ZNF565: variants seen among roughly 807,000 people sequenced by gnomAD.
ZNF565 encodes the protein zinc finger protein 565.
Under a neutral mutation model 39.4 loss-of-function variants are expected in ZNF565, and 27 were observed. The observed-to-expected ratio is 0.69, with a 90% confidence interval of 0.51 to 0.95. The LOEUF is 0.95. Among genes scored for constraint, ZNF565 ranks in the 40% least tolerant of loss-of-function variants. ZNF565 has a pLI of 0.00. For missense variants in ZNF565, 524 were observed against 621.1 expected (o/e 0.84, Z 1.66); for synonymous variants, 185 against 216.6 (o/e 0.85, Z 1.28).
intron 1 of ZNF565, among the ~76,000 whole-genome samples, chr19:36,224,982 T>A (rs1977008211): frequency 6.6e-6 from 1 of 152,228 alleles, no homozygotes; most frequent in Admixed American, 6.5e-5. Flanking sequence ...CTTTCCTTAG[T>A]TATTTGTAAT....
rs771970085 is a variant in ZNF565, at chr19:36,194,281, TC to T, written c.183del (p.Glu63SerfsTer4). ...KPDVVSLLEQ[G>X]KEPWMIANDV... ...TCATTTGCAATCATCCAGGGCTCTT[TC>T]CCTTGCTCCAATAAGGAGACGACAT... On this transcript the variant is annotated frameshift_variant, in exon 4 of 5. Transcript: ENST00000304116. LOFTEE classifies it low-confidence loss of function (END_TRUNC). 3 of 1,613,058 alleles carry T rather than the reference TC, an allele frequency of 1.9e-6. No individual in the cohort carries two copies. Among genetic ancestry groups the T allele is most frequent in the Non-Finnish European group, 1.7e-6 (2 of 1,179,576 alleles).
At chr19:36,207,542 CA>C (rs58690929) in intron 1 of ZNF565, among the ~76,000 whole-genome samples, 41,813 of 145,348 alleles carry the variant, frequency 0.29, 6,524 homozygotes, top group African/African-American at 0.44. Flanking sequence ...CCATCTCAAA[CA>C]AAAAAAAAAA....
At chr19:36,186,708 G>A (rs1975312944) in intron 4 of ZNF565, among the ~76,000 whole-genome samples, 1 of 152,068 alleles carries the variant, frequency 6.6e-6, no homozygotes, top group Non-Finnish European at 1.5e-5. Flanking sequence ...AGGATGGCTT[G>A]AGCCCAGGGA....
At chr19:36,244,239 G>T (rs1205955871) in intron 1 of ZNF565, among the ~76,000 whole-genome samples, 1 of 152,248 alleles carries the variant, frequency 6.6e-6, no homozygotes, top group Non-Finnish European at 1.5e-5. Context: ...AAACGTGCCT[G>T]TTGGGGGCGC....
chr19:36,190,448 C>T (rs1205603948), intron 4 of ZNF565, among the ~76,000 whole-genome samples: 1 of 151,740 alleles, frequency 6.6e-6, no homozygotes, highest in Admixed American at 6.6e-5. Flanking sequence ...TGGTGGTGGG[C>T]GCCTGTAATC....
At position 36,195,010 on chromosome 19, in the gene ZNF565, G is replaced by A. The variant is rs1247000174; in HGVS notation, c.136+20C>T. ...TGTTGCCTTGCTTTCCGTCTGGCCC[G>A]TGTGATACAATCTCCTTACCTAGTG... is the stretch of plus-strand genomic sequence containing the variant. On this transcript the variant is annotated intron_variant, in intron 3 of 4. Coordinates refer to ENST00000304116, the MANE Select transcript of ZNF565 (RefSeq NM_152477.5). 10 of 1,613,902 alleles carry A rather than the reference G, an allele frequency of 6.2e-6. No homozygotes were observed. The African/African-American group carries it at 8.0e-5, about 13-fold the overall frequency.
intron 1 of ZNF565, among the ~76,000 whole-genome samples, chr19:36,229,792 TC>T (rs1224086025): frequency 6.6e-6 from 1 of 152,250 alleles, no homozygotes; most frequent in Non-Finnish European, 1.5e-5. Flanking sequence ...CAGTCTTGGC[TC>T]ACTGCAACCT....
chr19:36,244,531 A>G (rs1271060438), intron 1 of ZNF565, among the ~76,000 whole-genome samples: 1 of 151,890 alleles, frequency 6.6e-6, no homozygotes, highest in Non-Finnish European at 1.5e-5. Context: ...ACAGAGCAAG[A>G]CCCTAAAGAA....
chr19:36,210,144 G>A (rs1038415087), intron 1 of ZNF565, among the ~76,000 whole-genome samples: 14 of 151,918 alleles, frequency 9.2e-5, no homozygotes, highest in Non-Finnish European at 1.3e-4. Flanking sequence ...ATGGAGGCCA[G>A]GTGTGGTGGC....
At chr19:36,227,216 CT>C (rs1977108735) in intron 1 of ZNF565, among the ~76,000 whole-genome samples, 1 of 151,548 alleles carries the variant, frequency 6.6e-6, no homozygotes. Flanking sequence ...TGGTGAAACC[CT>C]GTCTCTACTA....
rs771659493 is a variant in ZNF565, at chr19:36,195,302, T to C, written c.10-146A>G. ...CAGTCTGCTTCAACAGTTAACAAGG[T>C]GTACCCTGTTTTATCTCTTCCCTTC... On this transcript the variant is annotated intron_variant, in intron 2 of 4. Transcript: ENST00000304116. The C allele has an allele frequency of 3.1e-4, 296 of 965,044 alleles. 1 individual carries two copies. Among genetic ancestry groups the C allele is most frequent in the Non-Finnish European group, 4.2e-4 (278 of 655,496 alleles). 59.8% of individuals were successfully genotyped at this position (965,044 alleles called of 1,614,324 possible).
intron 1 of ZNF565, among the ~76,000 whole-genome samples, chr19:36,241,809 G>A (rs1156282095): frequency 6.7e-6 from 1 of 148,190 alleles, no homozygotes; most frequent in Non-Finnish European, 1.5e-5. Flanking sequence ...AAAAAGCTGG[G>A]ACAATTGAGG....
At chr19:36,193,441 C>CTTTTTT (rs918390781) in intron 4 of ZNF565, among the ~76,000 whole-genome samples, 2 of 131,852 alleles carry the variant, frequency 1.5e-5, no homozygotes, top group African/African-American at 2.8e-5. Flanking sequence ...TTTCTTTTTT[C>CTTTTTT]TTTTTTTTTT....
chr19:36,195,220 T>C, intron 2 of ZNF565, 64 bp from the exon 3 acceptor site: 1 of 1,560,312 alleles, frequency 6.4e-7, no homozygotes, highest in Non-Finnish European at 8.7e-7. Flanking sequence ...TATGAAAATT[T>C]TCAAGATGCA....
intron 1 of ZNF565, among the ~76,000 whole-genome samples, chr19:36,210,292 T>C (rs573935669): frequency 2.0e-5 from 3 of 150,830 alleles, no homozygotes; most frequent in Non-Finnish European, 4.4e-5. Flanking sequence ...GGCGAGGTGG[T>C]GGGCGCCTGT....
In ZNF565 at chr19:36,182,638, C is replaced by T; in HGVS notation, c.1328G>A (p.Cys443Tyr). The T allele has an allele frequency of 1.2e-6, 2 of 1,614,108 alleles. No individual in the cohort carries two copies. Among genetic ancestry groups the T allele is most frequent in the South Asian group, 1.1e-5 (1 of 91,084 alleles). ...QLTHHQRIHT[C>Y]EKPYECRECG... is the part of the protein sequence containing the mutation. ...CTCCCTGCATTCATAGGGTTTCTCA[C>T]AAGTGTGAATTCGCTGATGATGAGT... Residue 443 changes from cysteine (C) to tyrosine (Y), a missense_variant, in exon 5 of 5, where the codon TGT becomes TAT. Transcript: ENST00000304116.
At chr19:36,207,831 G>A (rs1346532648) in intron 1 of ZNF565, among the ~76,000 whole-genome samples, 1 of 152,154 alleles carries the variant, frequency 6.6e-6, no homozygotes, top group African/African-American at 2.4e-5. Flanking sequence ...TGCATGTGGT[G>A]ACCATCTGTT....
chr19:36,241,865 TAACTCAA>T (rs1273539939), intron 1 of ZNF565, among the ~76,000 whole-genome samples: 1 of 150,048 alleles, frequency 6.7e-6, no homozygotes, highest in African/African-American at 2.5e-5. Flanking sequence ...ATACAAAACT[TAACTCAA>T]AAGTGTCCAA....
At chr19:36,235,163 C>G (rs907674439) in intron 1 of ZNF565, among the ~76,000 whole-genome samples, 10 of 150,970 alleles carry the variant, frequency 6.6e-5, no homozygotes, top group African/African-American at 9.8e-5. Context: ...GAGCCGAGAT[C>G]GCACCACTGC....
Sources: gnomAD v4.1 joint callset for allele counts (sites outside exome capture counted in the v4.1 genomes callset) on GRCh38, gnomAD v4.1.1 for gene constraint, MANE v1.5 for transcripts, NCBI Gene and HGNC (gene_info 2026-07-23, HGNC 2026-07-21) for gene names.